Variants in MIAT observed in about 807,000 individuals in gnomAD.
MIAT encodes the protein myocardial infarction associated transcript.
chr22:26,669,883 G>T, downstream of MIAT: 1 of 398,752 alleles, frequency 2.5e-6, no homozygotes, highest in Non-Finnish European at 4.4e-6. Context: ...ACAACCCTGG[G>T]CAAGTTACTT....
intron 2 of MIAT, among the ~76,000 whole-genome samples, chr22:26,655,084 A>G (rs1930402755): frequency 6.6e-6 from 1 of 152,178 alleles, no homozygotes; most frequent in Non-Finnish European, 1.5e-5. Context: ...ACTCTGGGCA[A>G]TGCTGTGACC....
At chr22:26,670,946 A>G (rs2146018992), downstream of MIAT, 1 of 395,438 alleles carries the variant, frequency 2.5e-6, no homozygotes, top group East Asian at 3.6e-5. Context: ...TCCAGGAGCC[A>G]GGCCAGCTTG....
At position 26,667,353 on chromosome 22, in the gene MIAT, T is replaced by TGTGTGTGC. The variant is rs1491414770; in HGVS notation, n.2262+44_2262+45insTGTGTGCG. 6.1e-5 allele frequency: 24 copies of TGTGTGTGC among 395,906 alleles called. No homozygotes were observed. In the South Asian group the frequency reaches 1.4e-3, roughly 24 times the overall value. 24.5% of individuals were successfully genotyped at this position (395,906 alleles called of 1,614,324 possible). On this transcript the variant is annotated intron_variant and non_coding_transcript_variant, in intron 5 of 5. Coordinates refer to ENST00000643270, the Ensembl canonical transcript of MIAT. ...GGAGCAGTGTGTGTGTGTGTGTGTG[T>TGTGTGTGC]GCGTGTGCACATGTGTGTGCATGCC...
chr22:26,657,235 G>A, intron 2 of MIAT: 1 of 340,694 alleles, frequency 2.9e-6, no homozygotes, highest in East Asian at 4.4e-5. Flanking sequence ...CAGCGCCGCG[G>A]GTGGGGATGC....
downstream of MIAT, chr22:26,672,965 G>C: frequency 2.5e-6 from 1 of 398,630 alleles, no homozygotes; most frequent in Non-Finnish European, 4.4e-6. Flanking sequence ...CTCTGGAGCC[G>C]AGAGAGGCCG....
chr22:26,666,169 C>T (rs1930838350), exon 4 of MIAT: 1 of 398,658 alleles, frequency 2.5e-6, no homozygotes, highest in Non-Finnish European at 4.4e-6. Context: ...CTCCCTGACT[C>T]TCCTGACTCA....
exon 4 of MIAT, chr22:26,666,243 G>A (rs1260140886): frequency 2.5e-6 from 1 of 398,542 alleles, no homozygotes; most frequent in African/African-American, 2.1e-5. Flanking sequence ...GATGGTCCTA[G>A]GTCAGGATTA....
chr22:26,657,890 G>A (rs1774625045), intron 2 of MIAT, among the ~76,000 whole-genome samples: 1 of 152,208 alleles, frequency 6.6e-6, no homozygotes, highest in African/African-American at 2.4e-5. Flanking sequence ...GGTCAGGCAA[G>A]GGGAGGATGC....
chr22:26,666,207 G>A, exon 4 of MIAT: 1 of 398,654 alleles, frequency 2.5e-6, no homozygotes, highest in Non-Finnish European at 4.4e-6. Flanking sequence ...AGACAGCACA[G>A]TTGTTACCAA....
chr22:26,652,212 A>G (rs1387042857), intron 2 of MIAT, among the ~76,000 whole-genome samples: 1 of 151,992 alleles, frequency 6.6e-6, no homozygotes, highest in Non-Finnish European at 1.5e-5. Flanking sequence ...CGATCTCATT[A>G]TGTTGCCCAG....
chr22:26,666,544 G>T (rs555709984), exon 4 of MIAT: 1 of 398,640 alleles, frequency 2.5e-6, no homozygotes, highest in African/African-American at 2.1e-5. Flanking sequence ...CAGAATTCTG[G>T]ATTCCTGACT....
At chr22:26,666,013 C>T (rs1455227231) in exon 4 of MIAT, 1 of 398,488 alleles carries the variant, frequency 2.5e-6, no homozygotes, top group Non-Finnish European at 4.4e-6. Flanking sequence ...GGACAGGGCT[C>T]CTTGGCCTTA....
chr22:26,657,697 C>T, intron 2 of MIAT: 1 of 398,712 alleles, frequency 2.5e-6, no homozygotes. Flanking sequence ...TCCCAAGTGT[C>T]CTTGTCCCCT....
chr22:26,648,588 G>C, intron 2 of MIAT, among the ~76,000 whole-genome samples: 1 of 151,458 alleles, frequency 6.6e-6, no homozygotes, highest in East Asian at 1.9e-4. Flanking sequence ...ATGGAAAATG[G>C]GTCATAGACT....
chr22:26,673,218 G>C (rs1366814146), downstream of MIAT: 3 of 398,700 alleles, frequency 7.5e-6, no homozygotes, highest in Admixed American at 4.4e-5. Flanking sequence ...CTGGCTCTCT[G>C]TTCCCACGGA....
intron 2 of MIAT, among the ~76,000 whole-genome samples, chr22:26,648,080 GGGA>G (rs1451123931): frequency 1.3e-5 from 2 of 152,150 alleles, no homozygotes; most frequent in Admixed American, 6.5e-5. Context: ...CAGGCGGGCG[GGGA>G]GGAGGGAAGG....
intron 2 of MIAT, among the ~76,000 whole-genome samples, chr22:26,658,573 C>T (rs1279255401): frequency 6.6e-6 from 1 of 152,172 alleles, no homozygotes; most frequent in East Asian, 1.9e-4. Flanking sequence ...AAGAAAGGGG[C>T]CAGACCTTTC....
At chr22:26,672,881 G>T, downstream of MIAT, 1 of 398,622 alleles carries the variant, frequency 2.5e-6, no homozygotes, top group South Asian at 1.3e-4. Context: ...CGGAAAGAGG[G>T]ACATTTCTGA....
chr22:26,671,476 G>C (rs939289283), downstream of MIAT: 8 of 398,658 alleles, frequency 2.0e-5, no homozygotes, highest in Non-Finnish European at 3.1e-5. Flanking sequence ...CTGGCCTTCT[G>C]CCAACCAACT....
Sources: allele counts gnomAD v4.1 joint callset (sites outside exome capture counted in the v4.1 genomes callset), GRCh38; gene constraint gnomAD v4.1.1; transcripts MANE v1.5; gene names NCBI Gene and HGNC (gene_info 2026-07-23, HGNC 2026-07-21).